The following GRIA4 variants were observed in gnomAD, a reference collection of about 807,000 sequenced individuals.
The protein encoded by GRIA4 is glutamate ionotropic receptor AMPA type subunit 4, also known as glutamate receptor 4.
Under a neutral mutation model 104.0 loss-of-function variants are expected in GRIA4, and 34 were observed. The ratio of observed to expected loss-of-function variants is 0.33; its 90% CI spans 0.25 to 0.44. GRIA4 has a LOEUF of 0.44. GRIA4 is among the 20% of genes least tolerant of loss of function. GRIA4 has a pLI of 1.00. For missense variants in GRIA4, 750 were observed against 1,096.5 expected (o/e 0.68, Z 4.46); for synonymous variants, 386 against 381.9 (o/e 1.01, Z -0.13).
intron 3 of GRIA4, among the ~76,000 whole-genome samples, chr11:105,743,813 G>T (rs1939479154): frequency 6.6e-6 from 1 of 152,052 alleles, no homozygotes; most frequent in Non-Finnish European, 1.5e-5. Flanking sequence ...ATACAAACAA[G>T]AAGTCATCTT....
chr11:105,779,208 C>G (rs1941598042), intron 4 of GRIA4, among the ~76,000 whole-genome samples: 1 of 151,782 alleles, frequency 6.6e-6, no homozygotes, highest in African/African-American at 2.4e-5. Context: ...GGGTTGGTTC[C>G]AAGTCTTTGC....
chr11:105,887,470 T>A (rs376213811), intron 5 of GRIA4, 49 bp from the exon 6 acceptor site: 1 of 746,350 alleles, frequency 1.3e-6, no homozygotes, highest in Non-Finnish European at 2.3e-6. Flanking sequence ...TAAAATAATA[T>A]TTCAGTGAAT....
intron 4 of GRIA4, among the ~76,000 whole-genome samples, chr11:105,771,940 C>T (rs77861486): frequency 0.042 from 6,345 of 152,074 alleles, 310 homozygotes; most frequent in African/African-American, 0.12. Flanking sequence ...TACACACACA[C>T]AGACTGTACA....
At chr11:105,762,506 A>C (rs1398095758) in intron 4 of GRIA4, among the ~76,000 whole-genome samples, 1 of 152,160 alleles carries the variant, frequency 6.6e-6, no homozygotes, top group East Asian at 1.9e-4. Context: ...TGTTTTGGAA[A>C]TATTTACTTG....
intron 4 of GRIA4, among the ~76,000 whole-genome samples, chr11:105,823,491 G>A (rs1417718928): frequency 2.0e-5 from 3 of 152,070 alleles, no homozygotes; most frequent in African/African-American, 7.2e-5. Flanking sequence ...CAAGAAAGCA[G>A]GTGGTGGAAA....
intron 4 of GRIA4, among the ~76,000 whole-genome samples, chr11:105,759,367 T>C (rs1940490634): frequency 6.6e-6 from 1 of 152,120 alleles, no homozygotes; most frequent in African/African-American, 2.4e-5. Context: ...CGTGATAGCT[T>C]ATTCTCTTTT....
At chr11:105,750,113 T>C (rs1186429234) in intron 3 of GRIA4, among the ~76,000 whole-genome samples, 1 of 152,180 alleles carries the variant, frequency 6.6e-6, no homozygotes, top group Non-Finnish European at 1.5e-5. Context: ...TGTCATAAGA[T>C]TCAGCCAAGC....
intron 3 of GRIA4, among the ~76,000 whole-genome samples, chr11:105,657,506 T>A (rs971753852): frequency 6.6e-6 from 1 of 152,086 alleles, no homozygotes; most frequent in Non-Finnish European, 1.5e-5. Flanking sequence ...ATTGGTCTTC[T>A]ATTGATTTTC....
chr11:105,916,255 T>G (rs1947400552), intron 10 of GRIA4, among the ~76,000 whole-genome samples: 1 of 152,160 alleles, frequency 6.6e-6, no homozygotes, highest in African/African-American at 2.4e-5. Flanking sequence ...TTGTTAGTTC[T>G]GTGAAATTGA....
At chr11:105,825,286 A>G (rs1943726796) in intron 4 of GRIA4, among the ~76,000 whole-genome samples, 1 of 152,044 alleles carries the variant, frequency 6.6e-6, no homozygotes. Context: ...CAGCTGCAGC[A>G]GTCCAGGGGA....
chr11:105,715,518 AAG>A (rs1954061600), intron 3 of GRIA4, among the ~76,000 whole-genome samples: 1 of 152,206 alleles, frequency 6.6e-6, no homozygotes, highest in African/African-American at 2.4e-5. Flanking sequence ...TCAGACCAGG[AAG>A]AGGTCATTAA....
intron 3 of GRIA4, among the ~76,000 whole-genome samples, chr11:105,738,850 A>G (rs1028752836): frequency 1.3e-5 from 2 of 151,468 alleles, no homozygotes; most frequent in African/African-American, 4.8e-5. Context: ...AAATCCTTGA[A>G]TGCTAAACAG....
rs1278020033 is a variant in GRIA4 at position 105,853,048 on chromosome 11, A to ATTGCTTTT, written c.488-8975_488-8968dup. 1.4e-4 allele frequency among the ~76,000 whole-genome samples: 21 copies of ATTGCTTTT among 151,554 alleles called. 3 individuals are homozygous for ATTGCTTTT. The Admixed American group carries it at 1.4e-3, about 10-fold the overall frequency. On this transcript the variant is annotated intron_variant, in intron 4 of 16. Transcript: ENST00000282499. Reference sequence around the variant, plus strand: ...ACTTCTTTGAGTTTCGTTGCTAGTGATTGCTTTTATGATTAATTAATGAGA... The same window carrying ATTGCTTTT: ...ACTTCTTTGAGTTTCGTTGCTAGTGATTGCTTTTTTGCTTTTATGATTAATTAATGAGA...
rs182033186 is a variant in GRIA4, at chr11:105,978,518, C to T, written c.2545-1057C>T. 3.3e-5 allele frequency among the ~76,000 whole-genome samples: 5 copies of T among 152,144 alleles called. No individual in the cohort carries two copies. The East Asian group carries it at 9.6e-4, about 29-fold the overall frequency. Reference sequence around the variant, plus strand: ...AGTAACTGATCTGTAAACATTTTTACTCCACCAGTTTTTAAACTAGTTACT... The same window carrying T: ...AGTAACTGATCTGTAAACATTTTTATTCCACCAGTTTTTAAACTAGTTACT... On this transcript the variant is annotated intron_variant, in intron 16 of 16. Coordinates refer to ENST00000282499, the MANE Select transcript of GRIA4 (RefSeq NM_000829.4).
chr11:105,776,667 A>G (rs574539404), intron 4 of GRIA4, among the ~76,000 whole-genome samples: 1 of 152,160 alleles, frequency 6.6e-6, no homozygotes. Flanking sequence ...AGGTCTAGAT[A>G]GAAGTTCCTT....
chr11:105,890,076 T>C (rs1347117591), intron 6 of GRIA4, among the ~76,000 whole-genome samples: 2 of 152,152 alleles, frequency 1.3e-5, no homozygotes, highest in Non-Finnish European at 2.9e-5. Flanking sequence ...GTAGTCATAA[T>C]GTAGAATATA....
At chr11:105,652,436 G>A (rs2135385782) in intron 3 of GRIA4, among the ~76,000 whole-genome samples, 2 of 152,254 alleles carry the variant, frequency 1.3e-5, no homozygotes, top group Middle Eastern at 6.8e-3. Context: ...AGTGTAACCA[G>A]TAAGATGAGG....
chr11:105,672,694 C>G (rs1952412691), intron 3 of GRIA4, among the ~76,000 whole-genome samples: 1 of 152,066 alleles, frequency 6.6e-6, no homozygotes, highest in Non-Finnish European at 1.5e-5. Context: ...ATAATTGTGT[C>G]TTGCTGCATT....
intron 6 of GRIA4, among the ~76,000 whole-genome samples, chr11:105,896,166 C>T (rs1054157624): frequency 5.3e-5 from 8 of 151,988 alleles, no homozygotes; most frequent in African/African-American, 1.9e-4. Context: ...TTCATTTTTT[C>T]TCTGATGATT....
Sources: gnomAD v4.1 joint callset for allele counts (sites outside exome capture counted in the v4.1 genomes callset) on GRCh38, gnomAD v4.1.1 for gene constraint, MANE v1.5 for transcripts, NCBI Gene and HGNC (gene_info 2026-07-23, HGNC 2026-07-21) for gene names.